Variants in LOXHD1 observed in about 807,000 individuals in gnomAD.
The protein encoded by LOXHD1 is lipoxygenase homology PLAT domains 1.
Under a neutral mutation model 248.2 loss-of-function variants are expected in LOXHD1, and 205 were observed. The observed-to-expected ratio is 0.83, with a 90% confidence interval of 0.74 to 0.93. LOXHD1 has a LOEUF of 0.93. Among genes scored for constraint, LOXHD1 ranks in the 40% least tolerant of loss-of-function variants. LOXHD1 has a pLI of 0.00. For synonymous variants in LOXHD1, 1,113 were observed against 1,162.8 expected (o/e 0.96, Z 0.87); for missense variants, 2,930 against 2,971.6 (o/e 0.99, Z 0.33).
chr18:46,484,936 G>T, intron 39 of LOXHD1, 83 bp downstream of exon 39: 1 of 1,491,844 alleles, frequency 6.7e-7, no homozygotes, highest in Non-Finnish European at 9.1e-7. Flanking sequence ...GTGTACCTAT[G>T]GCTCCCACCC....
chr18:46,479,447 A>G (rs551060538), intron 40 of LOXHD1, among the ~76,000 whole-genome samples: 7 of 152,162 alleles, frequency 4.6e-5, no homozygotes, highest in Non-Finnish European at 8.8e-5. Flanking sequence ...ATTATAAAGG[A>G]AAAAGCCAGA....
intron 6 of LOXHD1, 96 bp downstream of exon 6, chr18:46,610,680 T>TAGAGA (rs1215189311): frequency 7.2e-7 from 1 of 1,391,636 alleles, no homozygotes; most frequent in African/African-American, 1.5e-5. Context: ...CAGATGGACC[T>TAGAGA]AGAGAGGAAA....
chr18:46,534,698 G>A (rs2036229116), intron 26 of LOXHD1, among the ~76,000 whole-genome samples: 1 of 152,142 alleles, frequency 6.6e-6, no homozygotes, highest in African/African-American at 2.4e-5. Context: ...CTCTGGGAGG[G>A]GGACCCCTCT....
At chr18:46,653,195 C>T (rs1442752554) in intron 1 of LOXHD1, among the ~76,000 whole-genome samples, 4 of 152,058 alleles carry the variant, frequency 2.6e-5, no homozygotes, top group South Asian at 2.1e-4. Context: ...TGCAGTGAGG[C>T]GAGATCACGC....
chr18:46,613,766 C>T (rs117411753), intron 5 of LOXHD1, among the ~76,000 whole-genome samples: 2 of 152,172 alleles, frequency 1.3e-5, no homozygotes, highest in Non-Finnish European at 2.9e-5. Context: ...GTAAATAATG[C>T]AAATTTTCCT....
rs567681260 is a variant in LOXHD1, at chr18:46,538,845, C to T, written c.3914-508G>A. Among the ~76,000 whole-genome samples the T allele has an allele frequency of 7.9e-5, 12 of 152,272 alleles. No homozygotes were observed. The East Asian group carries it at 1.4e-3, about 17-fold the overall frequency. On this transcript the variant is annotated intron_variant, in intron 25 of 40. Transcript: ENST00000642948. ...TAGTGAGCATTCTTTCACTCTTCTC[C>T]GTATCCCCTGCTCCCAGTCTCTCAC...
intron 3 of LOXHD1, among the ~76,000 whole-genome samples, chr18:46,641,367 G>A (rs1265848841): frequency 1.3e-5 from 2 of 152,170 alleles, no homozygotes; most frequent in African/African-American, 4.8e-5. Context: ...GGAGGCAATT[G>A]AAGGCTCTTC....
At chr18:46,531,653 A>T (rs1488598211) in intron 28 of LOXHD1, among the ~76,000 whole-genome samples, 2 of 152,250 alleles carry the variant, frequency 1.3e-5, no homozygotes, top group Non-Finnish European at 2.9e-5. Context: ...GCAGTAGTGC[A>T]GTCAGAGCCA....
In LOXHD1 at chr18:46,522,229, C is replaced by G. The variant is rs374897301; in HGVS notation, c.4957G>C (p.Gly1653Arg). ...TDSRAFIFLI[G>R]EDDERSKRIW... Reference sequence around the variant, plus strand: ...CGCTTACTACGTTCATCATCCTCCCCGATGAGAAAGATGAAGGCTCGGCTG... The same window carrying G: ...CGCTTACTACGTTCATCATCCTCCCGGATGAGAAAGATGAAGGCTCGGCTG... Residue 1653 changes from glycine (G) to arginine (R), a missense_variant, in exon 32 of 41, where the codon GGG (glycine) becomes CGG (arginine). Gly to Arg is a moderately radical substitution (Grantham distance 125). Coordinates refer to ENST00000642948, the MANE Select transcript of LOXHD1 (RefSeq NM_001384474.1). The G allele has an allele frequency of 2.8e-4, 436 of 1,551,894 alleles. No homozygotes were observed. The highest frequency in any genetic ancestry group is 3.7e-4 in the Non-Finnish European group (429 of 1,147,050).
intron 19 of LOXHD1, 27 bp downstream of exon 19, chr18:46,560,052 TCCCC>T: frequency 2.7e-5 from 12 of 441,100 alleles, no homozygotes; most frequent in Non-Finnish European, 4.0e-5. Context: ...GGCCACTCCC[TCCCC>T]ACCCCCACCC....
chr18:46,648,229 G>T (rs2039057426), intron 2 of LOXHD1, among the ~76,000 whole-genome samples: 1 of 152,116 alleles, frequency 6.6e-6, no homozygotes, highest in South Asian at 2.1e-4. Context: ...CCGCACTCCA[G>T]CCTGGGCGAC....
intron 28 of LOXHD1, among the ~76,000 whole-genome samples, chr18:46,531,101 C>T (rs1283762808): frequency 6.6e-6 from 1 of 152,116 alleles, no homozygotes; most frequent in Non-Finnish European, 1.5e-5. Flanking sequence ...CAACCATCTT[C>T]CTTGTCTCAG....
chr18:46,524,663 C>G (rs1157145094), intron 30 of LOXHD1, 45 bp downstream of exon 30: 16 of 1,551,248 alleles, frequency 1.0e-5, no homozygotes, highest in Non-Finnish European at 1.3e-5. Flanking sequence ...GGGACCTCCC[C>G]TAGGCATGAG....
intron 31 of LOXHD1, among the ~76,000 whole-genome samples, chr18:46,523,737 C>G (rs971274955): frequency 2.0e-5 from 3 of 151,694 alleles, no homozygotes; most frequent in African/African-American, 7.3e-5. Context: ...CAGGGGGAGC[C>G]TTTCCACAGG....
chr18:46,587,824 A>G (rs2144202308), intron 12 of LOXHD1, among the ~76,000 whole-genome samples: 1 of 152,278 alleles, frequency 6.6e-6, no homozygotes, highest in Admixed American at 6.5e-5. Context: ...GGGACAGCCA[A>G]GGTGGAAATA....
At chr18:46,639,862 C>G in intron 3 of LOXHD1, 62 bp from the exon 4 acceptor site, 1 of 1,527,582 alleles carries the variant, frequency 6.5e-7, no homozygotes, top group Non-Finnish European at 8.9e-7. Flanking sequence ...CCCTTCCATA[C>G]TGGAATACCC....
intron 32 of LOXHD1, among the ~76,000 whole-genome samples, chr18:46,521,813 T>TA (rs1234216998): frequency 6.6e-6 from 1 of 152,198 alleles, no homozygotes; most frequent in Non-Finnish European, 1.5e-5. Flanking sequence ...AACTGTGAGA[T>TA]AATACATTTG....
At chr18:46,488,265 C>T (rs1315337563) in intron 38 of LOXHD1, among the ~76,000 whole-genome samples, 2 of 152,192 alleles carry the variant, frequency 1.3e-5, no homozygotes, top group Non-Finnish European at 1.5e-5. Flanking sequence ...TAAATCACTC[C>T]GTGGAAGACC....
chr18:46,570,837 C>A (rs147536853), intron 15 of LOXHD1, among the ~76,000 whole-genome samples: 1 of 152,184 alleles, frequency 6.6e-6, no homozygotes, highest in Admixed American at 6.5e-5. Context: ...CACATGCGTG[C>A]GGGCTGTGGG....
Sources: allele counts gnomAD v4.1 joint callset (sites outside exome capture counted in the v4.1 genomes callset), GRCh38; gene constraint gnomAD v4.1.1; transcripts MANE v1.5; gene names NCBI Gene and HGNC (gene_info 2026-07-23, HGNC 2026-07-21).